The following PSME3IP1 variants were observed in gnomAD, a reference collection of about 807,000 sequenced individuals.
PSME3IP1 encodes proteasome activator subunit 3 interacting protein 1, also known as PSME3-interacting protein.
A neutral mutation model predicts 34.1 loss-of-function variants in PSME3IP1; 13 were observed. The ratio of observed to expected loss-of-function variants is 0.38; its 90% CI spans 0.25 to 0.61. PSME3IP1 has a LOEUF of 0.61. Among genes scored for constraint, PSME3IP1 ranks in the 20% least tolerant of loss-of-function variants. PSME3IP1 has a pLI of 0.60. For synonymous variants in PSME3IP1, 93 were observed against 114.3 expected (o/e 0.81, Z 1.19); for missense variants, 237 against 301.4 (o/e 0.79, Z 1.58).
At chr16:57,173,681 G>A (rs766578479) in intron 2 of PSME3IP1, 47 bp downstream of exon 2, 2 of 1,605,302 alleles carry the variant, frequency 1.2e-6, no homozygotes, top group South Asian at 1.1e-5. Context: ...TACTCTGCAG[G>A]GTTGCTGTGT....
chr16:57,166,050 T>C (rs1190831334), intron 5 of PSME3IP1, among the ~76,000 whole-genome samples: 1 of 152,226 alleles, frequency 6.6e-6, no homozygotes, highest in Non-Finnish European at 1.5e-5. Context: ...AGCGAGCCCT[T>C]CTCAGGATAA....
intron 2 of PSME3IP1, among the ~76,000 whole-genome samples, chr16:57,173,318 C>A (rs574409529): frequency 6.6e-6 from 1 of 152,286 alleles, no homozygotes; most frequent in East Asian, 1.9e-4. Context: ...CCCTGAGTCT[C>A]AGTTCCTCAA....
intron 4 of PSME3IP1, among the ~76,000 whole-genome samples, chr16:57,171,702 G>A (rs2072609886): frequency 6.6e-6 from 1 of 152,224 alleles, no homozygotes; most frequent in Non-Finnish European, 1.5e-5. Flanking sequence ...GGGAAGGGCA[G>A]TGTGATGAGA....
intron 6 of PSME3IP1, among the ~76,000 whole-genome samples, chr16:57,157,201 C>T (rs926897739): frequency 6.6e-6 from 1 of 151,230 alleles, no homozygotes; most frequent in Non-Finnish European, 1.5e-5. Context: ...CCCAGCTACT[C>T]AGGAGGCTGA....
intron 6 of PSME3IP1, among the ~76,000 whole-genome samples, chr16:57,161,606 G>T (rs1329162087): frequency 6.6e-6 from 1 of 151,476 alleles, no homozygotes; most frequent in Non-Finnish European, 1.5e-5. Flanking sequence ...CCACCTCCTG[G>T]GTTCAATGCC....
chr16:57,179,981 A>T (rs748004397), intron 1 of PSME3IP1, among the ~76,000 whole-genome samples: 25 of 152,360 alleles, frequency 1.6e-4, no homozygotes, highest in Non-Finnish European at 3.5e-4. Context: ...TTAGATTTTT[A>T]AAAATTTAGC....
At chr16:57,185,605 G>A (rs1028229458) in intron 1 of PSME3IP1, 20 of 985,370 alleles carry the variant, frequency 2.0e-5, no homozygotes, top group African/African-American at 1.7e-4. Flanking sequence ...GCCTGAAAGG[G>A]TCCTCGCCGC....
rs550921268 is a variant in PSME3IP1 at position 57,152,809 on chromosome 16, A to C, written c.*1481T>G. 6.5e-6 allele frequency: 1 copy of C among 152,800 alleles called. No individual in the cohort carries two copies. The highest frequency in any genetic ancestry group is 2.1e-4 in the South Asian group (1 of 4,830). The allele number at this position is 152,800 out of a possible 1,614,324, so 9.5% of individuals were successfully genotyped here. On this transcript the variant is annotated 3_prime_UTR_variant, in exon 7 of 7. Coordinates refer to ENST00000309137, the MANE Select transcript of PSME3IP1 (RefSeq NM_024946.4). ...TTAGCACAGAGTAGTTCTGAAAAGG[A>C]GGAAGAATTCACAAAGCATCAGTTA...
intron 4 of PSME3IP1, among the ~76,000 whole-genome samples, chr16:57,167,836 C>A (rs2072076704): frequency 6.6e-6 from 1 of 152,148 alleles, no homozygotes; most frequent in South Asian, 2.1e-4. Flanking sequence ...TGATCTTAGC[C>A]AAAAGGCCAA....
chr16:57,173,422 G>A (rs1323464195), intron 2 of PSME3IP1, among the ~76,000 whole-genome samples: 1 of 152,128 alleles, frequency 6.6e-6, no homozygotes, highest in Non-Finnish European at 1.5e-5. Flanking sequence ...TTGAGCTCAG[G>A]AGTTTGGAAC....
chr16:57,163,146 CAG>C (rs2071464601), intron 6 of PSME3IP1, among the ~76,000 whole-genome samples: 2 of 151,904 alleles, frequency 1.3e-5, no homozygotes, highest in South Asian at 4.1e-4. Flanking sequence ...GCCTGGGTGA[CAG>C]AGTGAGACTC....
chr16:57,156,409 G>A (rs2070532705), intron 6 of PSME3IP1, among the ~76,000 whole-genome samples: 1 of 152,202 alleles, frequency 6.6e-6, no homozygotes, highest in East Asian at 1.9e-4. Flanking sequence ...ACAGTTCCAA[G>A]TATAGGAAAC....
In PSME3IP1 at chr16:57,173,820, T is replaced by G; in HGVS notation, c.35A>C (p.Lys12Thr). 6.2e-7 allele frequency: 1 copy of G among 1,614,004 alleles called. No homozygotes were observed. The highest frequency in any genetic ancestry group is 8.5e-7 in the Non-Finnish European group (1 of 1,179,980). ...DGGDDGNLII[K>T]KRFVSEAELD... is the part of the protein sequence containing the mutation. ...TTCTGCCTCAGACACAAACCTCTTT[T>G]TGATAATAAGGTTACCATCATCCCC... Residue 12 changes from lysine (K) to threonine (T), a missense_variant, in exon 2 of 7, where the codon AAA becomes ACA. Physicochemically the swap from Lys to Thr is moderately conservative, Grantham distance 78. Transcript: ENST00000309137.
rs879900168 is a variant in PSME3IP1, at chr16:57,153,999, T to C, written c.*291A>G. 9 of 385,804 alleles carry C rather than the reference T, an allele frequency of 2.3e-5. No individual in the cohort carries two copies. Among genetic ancestry groups the C allele is most frequent in the Non-Finnish European group, 3.8e-5 (8 of 212,740 alleles). 23.9% of individuals were successfully genotyped at this position (385,804 alleles called of 1,614,324 possible). On this transcript the variant is annotated 3_prime_UTR_variant, in exon 7 of 7. Transcript: ENST00000309137. ...GCAAGCCAGCCGGTGCCTATTCTCC[T>C]GGGGCATTTTTAGTGGAACTTCGGC...
rs776480073 is a variant in PSME3IP1 at position 57,172,266 on chromosome 16, T to C, written c.333A>G (p.Glu111=). ...CAAAGGATATTCTGTATTCCTTCAGTTCTTTCAGTTCTTCTTCTCTTCGTT... is the reference window on the plus strand; with the variant it reads ...CAAAGGATATTCTGTATTCCTTCAGCTCTTTCAGTTCTTCTTCTCTTCGTT... ...EKQRREEELK[E]LKEYRNNLKK... Residue 111 remains glutamate, a synonymous_variant, in exon 4 of 7, where the codon GAA becomes GAG. Transcript: ENST00000309137. The C allele has an allele frequency of 3.1e-6, 5 of 1,613,264 alleles. No individual in the cohort carries two copies. The highest frequency in any genetic ancestry group is 4.2e-6 in the Non-Finnish European group (5 of 1,179,994).
In PSME3IP1 at chr16:57,167,127, C is replaced by G; in HGVS notation, c.448G>C (p.Ala150Pro). The G allele has an allele frequency of 6.2e-7, 1 of 1,614,038 alleles. No homozygotes were observed. The highest frequency in any genetic ancestry group is 8.5e-7 in the Non-Finnish European group (1 of 1,180,038). The change falls in exon 5 of 7, where the codon GCG becomes CCG. Residue 150 changes from alanine to proline, a missense_variant. By Grantham distance (27) the Ala-to-Pro change is conservative. Coordinates refer to ENST00000309137, the MANE Select transcript of PSME3IP1 (RefSeq NM_024946.4). ...TTCACAGCTCCTGCCAACAGCTTCG[C>G]CTGGGAGAACTTGTTCTTGGTTTCT... ...PIETKNKFSQ[A>P]KLLAGAVKHK...
intron 6 of PSME3IP1, among the ~76,000 whole-genome samples, chr16:57,159,732 G>A (rs1274179720): frequency 6.6e-6 from 1 of 152,146 alleles, no homozygotes; most frequent in Non-Finnish European, 1.5e-5. Context: ...CTGAAACACA[G>A]CTGTCTGCCT....
chr16:57,167,268 CAACAAAT>C, intron 4 of PSME3IP1, 42 bp from the exon 5 acceptor site: 16 of 1,612,752 alleles, frequency 9.9e-6, no homozygotes, highest in African/African-American at 1.3e-5. Context: ...AAAGGGAAGA[CAACAAAT>C]ATAACCCACT....
chr16:57,154,544 C>A lies in PSME3IP1; in HGVS notation c.548-37G>T. On this transcript the variant is annotated intron_variant, in intron 6 of 6. Transcript: ENST00000309137. This position sits in a 1 kb window ranked among gnomAD's most constrained non-coding sequence, Gnocchi z 4.0. ...GGGGAAAGACTGTCACTTCATCACC[C>A]TTTTCCAAAGTTGGGGACTGACTTA... 2 of 1,531,134 alleles carry A rather than the reference C, an allele frequency of 1.3e-6. No homozygotes were observed. The highest frequency in any genetic ancestry group is 1.8e-6 in the Non-Finnish European group (2 of 1,134,122). 94.8% of individuals were successfully genotyped at this position (1,531,134 alleles called of 1,614,324 possible). A position where few individuals can be genotyped will look rare whatever the true frequency, so the allele number is the denominator to read the frequency against.
Sources: gnomAD v4.1 joint callset for allele counts (sites outside exome capture counted in the v4.1 genomes callset) on GRCh38, gnomAD v4.1.1 for gene constraint, Gnocchi (gnomAD v3.1) non-coding constraint, MANE v1.5 for transcripts, NCBI Gene and HGNC (gene_info 2026-07-23, HGNC 2026-07-21) for gene names.